CERS6: variants seen among roughly 807,000 people sequenced by gnomAD.
CERS6 encodes ceramide synthase 6.
A neutral mutation model predicts 56.8 loss-of-function variants in CERS6; 26 were observed. The observed-to-expected ratio is 0.46, with a 90% CI of 0.34 to 0.63. CERS6 has a LOEUF of 0.63. Ranked by LOEUF, CERS6 falls within the 30% of genes least tolerant of loss-of-function variation. The pLI is 0.01. For synonymous variants in CERS6, 164 were observed against 173.3 expected (o/e 0.95, Z 0.42); for missense variants, 415 against 467.5 (o/e 0.89, Z 1.04).
In CERS6 at chr2:168,565,695, G is replaced by C. The variant is rs184799612; in HGVS notation, c.407+4373G>C. 7.7e-4 allele frequency among the ~76,000 whole-genome samples: 118 copies of C among 152,330 alleles called. 1 individual carries two copies. The highest frequency in any genetic ancestry group is 6.8e-3 in the Middle Eastern group (2 of 294). ...TTACATGCAGATGGAATGAGTAGAAGCTGTTTAGCGAGTAAAATGCTAATA... is the reference window on the plus strand; with the variant it reads ...TTACATGCAGATGGAATGAGTAGAACCTGTTTAGCGAGTAAAATGCTAATA... On this transcript the variant is annotated intron_variant, in intron 3 of 9. Transcript: ENST00000305747.
In CERS6 at chr2:168,722,237, G is replaced by T. The variant is rs553380918; in HGVS notation, c.845+4259G>T. ...TGCAAATGTTTTCTCCCTTACTGAG[G>T]GTTGTCTTTCACTTCCTTGATGATG... is the stretch of plus-strand genomic sequence containing the variant. On this transcript the variant is annotated intron_variant, in intron 8 of 9. Coordinates refer to ENST00000305747, the MANE Select transcript of CERS6 (RefSeq NM_203463.3). Among the ~76,000 whole-genome samples, 3 of 152,198 alleles carry T rather than the reference G, an allele frequency of 2.0e-5. No homozygotes were observed. The South Asian group carries it at 6.2e-4, about 32-fold the overall frequency.
intron 2 of CERS6, among the ~76,000 whole-genome samples, chr2:168,554,325 C>T (rs1695637135): frequency 1.3e-5 from 2 of 152,142 alleles, no homozygotes; most frequent in African/African-American, 4.8e-5. Flanking sequence ...GAATTATTTT[C>T]TTCCCCAAAA....
chr2:168,678,255 C>T (rs1319373223), intron 4 of CERS6, among the ~76,000 whole-genome samples: 3 of 152,136 alleles, frequency 2.0e-5, no homozygotes, highest in Non-Finnish European at 4.4e-5. Flanking sequence ...CAGGGACCCT[C>T]AAAAATCTGC....
At chr2:168,746,835 A>G (rs1310278792) in intron 8 of CERS6, among the ~76,000 whole-genome samples, 3 of 132,856 alleles carry the variant, frequency 2.3e-5, no homozygotes, top group Non-Finnish European at 4.8e-5. Context: ...TCATCTTTGA[A>G]AAAATGATTA....
intron 1 of CERS6, among the ~76,000 whole-genome samples, chr2:168,507,753 T>G (rs555605461): frequency 6.6e-6 from 1 of 152,204 alleles, no homozygotes; most frequent in African/African-American, 2.4e-5. Flanking sequence ...GATAGCAAAA[T>G]GATGCTTTCT....
intron 3 of CERS6, among the ~76,000 whole-genome samples, chr2:168,622,694 C>A (rs991927097): frequency 1.3e-5 from 2 of 152,120 alleles, no homozygotes; most frequent in African/African-American, 4.8e-5. Context: ...AATTCTGTTC[C>A]CTTTCAAACA....
intron 8 of CERS6, among the ~76,000 whole-genome samples, chr2:168,762,598 T>C (rs1684614840): frequency 6.6e-6 from 1 of 152,234 alleles, no homozygotes; most frequent in African/African-American, 2.4e-5. Flanking sequence ...ATATAATATA[T>C]TAATAGATTT....
intron 8 of CERS6, among the ~76,000 whole-genome samples, chr2:168,729,869 C>G (rs556160786): frequency 6.6e-6 from 1 of 152,330 alleles, no homozygotes; most frequent in African/African-American, 2.4e-5. Flanking sequence ...TCTTCTTTAT[C>G]GATCTGCTTA....
At chr2:168,614,980 T>A (rs1196401304) in intron 3 of CERS6, among the ~76,000 whole-genome samples, 1 of 151,940 alleles carries the variant, frequency 6.6e-6, no homozygotes, top group Non-Finnish European at 1.5e-5. Flanking sequence ...TCACCCCCCC[T>A]GCCACCTCCT....
At chr2:168,645,841 C>T (rs1175835257) in intron 4 of CERS6, among the ~76,000 whole-genome samples, 2 of 151,706 alleles carry the variant, frequency 1.3e-5, no homozygotes, top group Non-Finnish European at 2.9e-5. Context: ...ATCTCCAGGT[C>T]CATCCATATT....
chr2:168,639,747 C>T (rs1226437835), intron 4 of CERS6, among the ~76,000 whole-genome samples: 1 of 152,124 alleles, frequency 6.6e-6, no homozygotes, highest in Non-Finnish European at 1.5e-5. Context: ...TGGACCAGCT[C>T]ATGCTCTGAT....
At chr2:168,600,112 A>G (rs1055669349) in intron 3 of CERS6, among the ~76,000 whole-genome samples, 2 of 151,356 alleles carry the variant, frequency 1.3e-5, no homozygotes, top group Non-Finnish European at 2.9e-5. Flanking sequence ...CTTTCTCTCC[A>G]TGAACATTAT....
At chr2:168,500,952 C>T (rs532516197) in intron 1 of CERS6, among the ~76,000 whole-genome samples, 9 of 152,240 alleles carry the variant, frequency 5.9e-5, no homozygotes, top group Non-Finnish European at 1.0e-4. Context: ...ACAATTAAAG[C>T]GACTATAAAG....
At chr2:168,625,984 T>C (rs1684581795) in intron 3 of CERS6, among the ~76,000 whole-genome samples, 2 of 152,140 alleles carry the variant, frequency 1.3e-5, no homozygotes. Flanking sequence ...TTGTCTTCCA[T>C]TTTTAGGTAT....
At chr2:168,707,783 T>C (rs1232193697) in intron 6 of CERS6, among the ~76,000 whole-genome samples, 4 of 152,146 alleles carry the variant, frequency 2.6e-5, no homozygotes, top group Non-Finnish European at 5.9e-5. Flanking sequence ...AAATATACTT[T>C]TATTATTTAG....
chr2:168,488,130 A>G (rs1294574703), intron 1 of CERS6, among the ~76,000 whole-genome samples: 1 of 152,010 alleles, frequency 6.6e-6, no homozygotes, highest in South Asian at 2.1e-4. Context: ...TCTATTTGCT[A>G]TATTTTGCTT....
At chr2:168,528,532 A>G (rs1695109747) in intron 1 of CERS6, among the ~76,000 whole-genome samples, 1 of 152,232 alleles carries the variant, frequency 6.6e-6, no homozygotes, top group Non-Finnish European at 1.5e-5. Flanking sequence ...TTTCCTGACT[A>G]GATCCTGACC....
intron 1 of CERS6, among the ~76,000 whole-genome samples, chr2:168,513,919 T>C (rs1694841601): frequency 1.3e-5 from 2 of 152,152 alleles, no homozygotes; most frequent in Non-Finnish European, 2.9e-5. Context: ...TCCCCTCAGC[T>C]TTGCCTTCTC....
At chr2:168,569,603 C>T (rs1411215108) in intron 3 of CERS6, among the ~76,000 whole-genome samples, 1 of 152,230 alleles carries the variant, frequency 6.6e-6, no homozygotes, top group Admixed American at 6.5e-5. Context: ...CTGTGTTCAC[C>T]TAGTATTTCT....
Sources: gnomAD v4.1 joint callset for allele counts (sites outside exome capture counted in the v4.1 genomes callset) on GRCh38, gnomAD v4.1.1 for gene constraint, MANE v1.5 for transcripts, NCBI Gene and HGNC (gene_info 2026-07-23, HGNC 2026-07-21) for gene names.